ATP8A2: variants seen among roughly 807,000 people sequenced by gnomAD.
ATP8A2 encodes phospholipid-transporting ATPase IB.
Under a neutral mutation model 165.6 loss-of-function variants are expected in ATP8A2, and 100 were observed. The observed-to-expected ratio is 0.60, with a 90% CI of 0.51 to 0.71. The LOEUF is 0.71. Ranked by LOEUF, ATP8A2 falls within the 30% of genes least tolerant of loss-of-function variation. The pLI is 0.00. For missense variants in ATP8A2, 1,227 were observed against 1,479.5 expected (o/e 0.83, Z 2.80); for synonymous variants, 543 against 548.8 (o/e 0.99, Z 0.15).
chr13:25,774,812 A>G (rs758463115), intron 26 of ATP8A2, 37 bp from the exon 27 acceptor site: 1 of 1,217,784 alleles, frequency 8.2e-7, no homozygotes, highest in Non-Finnish European at 1.2e-6. Flanking sequence ...TTCCTCAATG[A>G]TGGGCTCTTC....
chr13:25,836,714 T>C (rs9581456), intron 28 of ATP8A2, among the ~76,000 whole-genome samples: 4,198 of 152,294 alleles, frequency 0.028, 194 homozygotes, highest in African/African-American at 0.093. Flanking sequence ...GCCCATAATT[T>C]GTTTATTGTA....
Position 25,578,892 on chromosome 13 carries a change from CACGGAAGGTAA to C in ATP8A2, c.1861_1867+4del. Reference sequence around the variant, plus strand: ...CATTATGCCATCTGGAATACTTTGCCACGGAAGGTAAGTGGAATTTGGAAATGCTGTTTTTG... The same window carrying C: ...CATTATGCCATCTGGAATACTTTGCCGTGGAATTTGGAAATGCTGTTTTTG... On this transcript the variant is annotated splice_donor_variant and splice_donor_region_variant and coding_sequence_variant and intron_variant, in exon 21 of 37. Coordinates refer to ENST00000381655, the MANE Select transcript of ATP8A2 (RefSeq NM_016529.6). LOFTEE classifies it high-confidence loss of function. 6.2e-7 allele frequency: 1 copy of C among 1,606,904 alleles called. No individual in the cohort carries two copies. The highest frequency in any genetic ancestry group is 8.5e-7 in the Non-Finnish European group (1 of 1,173,644).
At chr13:25,830,148 A>G (rs1714810300) in intron 28 of ATP8A2, among the ~76,000 whole-genome samples, 1 of 151,528 alleles carries the variant, frequency 6.6e-6, no homozygotes, top group African/African-American at 2.4e-5. Flanking sequence ...AGCTGGGACC[A>G]TGGGCAAATG....
chr13:25,862,487 G>C (rs565941322), intron 33 of ATP8A2, 79 bp downstream of exon 33: 2 of 1,100,832 alleles, frequency 1.8e-6, no homozygotes, highest in Admixed American at 1.7e-5. Flanking sequence ...AGCAGGCACT[G>C]TGTGTCTTAC....
At chr13:25,461,925 A>G (rs971846931) in intron 1 of ATP8A2, among the ~76,000 whole-genome samples, 1 of 152,194 alleles carries the variant, frequency 6.6e-6, no homozygotes, top group Non-Finnish European at 1.5e-5. Flanking sequence ...CACAAAGCCT[A>G]AAATATTCAC....
At chr13:25,459,480 G>A (rs1293249646) in intron 1 of ATP8A2, among the ~76,000 whole-genome samples, 1 of 152,196 alleles carries the variant, frequency 6.6e-6, no homozygotes, top group African/African-American at 2.4e-5. Context: ...AGATGAGCAT[G>A]GGCCCTGCCC....
At chr13:25,748,935 C>T (rs2044095946) in intron 25 of ATP8A2, among the ~76,000 whole-genome samples, 2 of 152,116 alleles carry the variant, frequency 1.3e-5, no homozygotes, top group South Asian at 4.1e-4. Context: ...ATAGGCATTT[C>T]AATAACAGTA....
chr13:25,795,472 A>G (rs530208275), intron 27 of ATP8A2, among the ~76,000 whole-genome samples: 15 of 152,224 alleles, frequency 9.9e-5, no homozygotes, highest in Non-Finnish European at 1.8e-4. Flanking sequence ...ACAGATTGTC[A>G]GCACATTGAC....
chr13:25,376,044 C>T (rs75383621), intron 1 of ATP8A2, among the ~76,000 whole-genome samples: 5,791 of 152,230 alleles, frequency 0.038, 222 homozygotes, highest in East Asian at 0.13. Context: ...AAAATACAAG[C>T]CGTGCTAATG....
chr13:25,836,752 A>C (rs1247580554), intron 28 of ATP8A2, among the ~76,000 whole-genome samples: 3 of 152,202 alleles, frequency 2.0e-5, no homozygotes, highest in Non-Finnish European at 4.4e-5. Flanking sequence ...TAAATGGATG[A>C]AGTACATTAT....
In ATP8A2 at chr13:25,372,189, CG is replaced by C. The variant is rs1566085499; in HGVS notation, c.-23del. On this transcript the variant is annotated 5_prime_UTR_variant, in exon 1 of 37. Transcript: ENST00000381655. The surrounding 1 kb of genome is among the most constrained non-coding windows in gnomAD (Gnocchi z 4.8). ...GTAGCCTCCGTCTCTCGCCCGGGGC[CG>C]CCGAGCCCCCGACACGGGCGAGATG... is the stretch of plus-strand genomic sequence containing the variant. The C allele has an allele frequency of 3.5e-6, 5 of 1,417,956 alleles. No individual in the cohort carries two copies. The highest frequency in any genetic ancestry group is 4.7e-6 in the Non-Finnish European group (5 of 1,073,852). The allele number at this position is 1,417,956 out of a possible 1,614,324, so 87.8% of individuals were successfully genotyped here.
At chr13:25,548,764 GA>G (rs2038729399) in intron 10 of ATP8A2, among the ~76,000 whole-genome samples, 1 of 152,166 alleles carries the variant, frequency 6.6e-6, no homozygotes, top group South Asian at 2.1e-4. Context: ...AGAAATAAAG[GA>G]AAAAGCTGCT....
intron 16 of ATP8A2, among the ~76,000 whole-genome samples, chr13:25,570,297 A>G (rs1164017612): frequency 6.6e-6 from 1 of 152,112 alleles, no homozygotes; most frequent in African/African-American, 2.4e-5. Flanking sequence ...GGCAGAACAC[A>G]CGCTTCCGGA....
At chr13:25,873,482 G>T (rs150470705) in intron 33 of ATP8A2, among the ~76,000 whole-genome samples, 23 of 152,136 alleles carry the variant, frequency 1.5e-4, no homozygotes, top group Non-Finnish European at 3.2e-4. Context: ...CCTTCTAAAT[G>T]GTTCCTTTAT....
chr13:25,596,086 G>T (rs986926353), intron 24 of ATP8A2, among the ~76,000 whole-genome samples: 2 of 152,174 alleles, frequency 1.3e-5, no homozygotes, highest in African/African-American at 4.8e-5. Flanking sequence ...CTGTCATAGA[G>T]ACTCTCTTGT....
intron 30 of ATP8A2, among the ~76,000 whole-genome samples, chr13:25,858,839 T>C (rs867177332): frequency 5.1e-4 from 77 of 151,950 alleles, no homozygotes; most frequent in African/African-American, 1.8e-3. Context: ...TGAGTACACA[T>C]GAACATAAAG....
chr13:25,696,203 A>C (rs1031474277), intron 24 of ATP8A2, among the ~76,000 whole-genome samples: 6 of 152,194 alleles, frequency 3.9e-5, no homozygotes, highest in African/African-American at 1.2e-4. Context: ...CAGTGGGCTT[A>C]ATGTTCGGTA....
At chr13:25,599,697 G>T (rs764574463) in intron 24 of ATP8A2, among the ~76,000 whole-genome samples, 2 of 151,372 alleles carry the variant, frequency 1.3e-5, no homozygotes, top group Admixed American at 1.3e-4. Context: ...CAGGAGAAAA[G>T]AAGACCAGAA....
chr13:25,540,964 C>T (rs549480093), intron 8 of ATP8A2, among the ~76,000 whole-genome samples: 82 of 151,580 alleles, frequency 5.4e-4, no homozygotes, highest in African/African-American at 1.9e-3. Context: ...CGGGTTCAAG[C>T]GATTCTCCCA....
Sources: allele counts gnomAD v4.1 joint callset (sites outside exome capture counted in the v4.1 genomes callset), GRCh38; gene constraint gnomAD v4.1.1; non-coding constraint Gnocchi (gnomAD v3.1); transcripts MANE v1.5; gene names NCBI Gene and HGNC (gene_info 2026-07-23, HGNC 2026-07-21).